PRKCA: variants seen among roughly 807,000 people sequenced by gnomAD.
PRKCA encodes protein kinase C alpha.
A neutral mutation model predicts 87.0 loss-of-function variants in PRKCA; 27 were observed. The observed-to-expected ratio is 0.31, with a 90% CI of 0.23 to 0.43. The LOEUF is 0.43. PRKCA is among the 20% of genes least tolerant of loss of function. The probability of loss-of-function intolerance (pLI) is 1.00; values close to 1 mark genes in which losing one functional copy is unlikely to be tolerated. For synonymous variants in PRKCA, 329 were observed against 311.1 expected (o/e 1.06, Z -0.61); for missense variants, 518 against 852.3 (o/e 0.61, Z 4.88).
chr17:66,450,684 A>T (rs1211805240), intron 2 of PRKCA, among the ~76,000 whole-genome samples: 1 of 152,146 alleles, frequency 6.6e-6, no homozygotes, highest in African/African-American at 2.4e-5. Context: ...CTTTGCAGGG[A>T]CAGTTTTGGG....
At chr17:66,659,599 C>T (rs765885929) in intron 5 of PRKCA, among the ~76,000 whole-genome samples, 23 of 152,066 alleles carry the variant, frequency 1.5e-4, no homozygotes, top group Non-Finnish European at 2.5e-4. Context: ...AAAAATTAGC[C>T]GGGCATGGTG....
chr17:66,561,438 A>T (rs1404751869), intron 3 of PRKCA, among the ~76,000 whole-genome samples: 1 of 152,180 alleles, frequency 6.6e-6, no homozygotes, highest in Non-Finnish European at 1.5e-5. Flanking sequence ...CATGCCACTG[A>T]GAATGTATGT....
chr17:66,617,273 C>T (rs1381925006), intron 3 of PRKCA, among the ~76,000 whole-genome samples: 1 of 152,110 alleles, frequency 6.6e-6, no homozygotes, highest in African/African-American at 2.4e-5. Flanking sequence ...CTGTTTTCCT[C>T]ATGTTTATAA....
intron 2 of PRKCA, among the ~76,000 whole-genome samples, chr17:66,464,802 A>G (rs1050065462): frequency 2.6e-5 from 4 of 152,128 alleles, no homozygotes; most frequent in Non-Finnish European, 2.9e-5. Flanking sequence ...ATTTTCTCCC[A>G]GCCTATAATA....
chr17:66,494,392 G>A (rs985369347), intron 2 of PRKCA, among the ~76,000 whole-genome samples: 1 of 152,334 alleles, frequency 6.6e-6, no homozygotes, highest in Non-Finnish European at 1.5e-5. Context: ...GCAAGGGCCT[G>A]TTTACTGCAT....
intron 2 of PRKCA, among the ~76,000 whole-genome samples, chr17:66,378,385 A>G (rs1164570667): frequency 6.6e-6 from 1 of 152,194 alleles, no homozygotes; most frequent in African/African-American, 2.4e-5. Context: ...ATATGGAGGT[A>G]TGATTCATGT....
intron 2 of PRKCA, among the ~76,000 whole-genome samples, chr17:66,470,212 T>C (rs952417923): frequency 3.6e-5 from 2 of 55,880 alleles, no homozygotes; most frequent in Non-Finnish European, 7.0e-5. Flanking sequence ...TTTTTTTTTT[T>C]AAAAGACAGA....
At chr17:66,593,985 T>C (rs1969892809) in intron 3 of PRKCA, among the ~76,000 whole-genome samples, 1 of 152,308 alleles carries the variant, frequency 6.6e-6, no homozygotes, top group African/African-American at 2.4e-5. Flanking sequence ...CTCGGGAGGC[T>C]GAGGTAGGAG....
At chr17:66,398,126 T>C (rs1453896988) in intron 2 of PRKCA, 3 of 152,220 alleles carry the variant, frequency 2.0e-5, no homozygotes, top group Non-Finnish European at 4.4e-5. Context: ...TTAGGTAATT[T>C]CCTTGAAATT....
intron 3 of PRKCA, among the ~76,000 whole-genome samples, chr17:66,627,757 C>T (rs1005904926): frequency 1.3e-5 from 2 of 152,280 alleles, no homozygotes; most frequent in Non-Finnish European, 1.5e-5. Context: ...TCCTGTTTTA[C>T]GGCTTCCTAC....
chr17:66,463,240 A>G (rs1914935577), intron 2 of PRKCA, among the ~76,000 whole-genome samples: 1 of 151,996 alleles, frequency 6.6e-6, no homozygotes, highest in Non-Finnish European at 1.5e-5. Flanking sequence ...TTTCTCTGAA[A>G]CCGTAAGAAA....
intron 11 of PRKCA, among the ~76,000 whole-genome samples, chr17:66,739,467 G>C (rs1974107941): frequency 6.6e-6 from 1 of 152,226 alleles, no homozygotes; most frequent in South Asian, 2.1e-4. Flanking sequence ...CACTGGGGTT[G>C]CGAAAGGAAC....
rs1021716272 is a variant in PRKCA at position 66,745,090 on chromosome 17, G to T, written c.1524+2330G>T. On this transcript the variant is annotated intron_variant, in intron 13 of 16. Transcript: ENST00000413366. Reference sequence around the variant, plus strand: ...GCAAAATCCTTTTTAATGCATAAAGGTAATAGATTCACAGGTTCCAGGGAT... The same window carrying T: ...GCAAAATCCTTTTTAATGCATAAAGTTAATAGATTCACAGGTTCCAGGGAT... Among the ~76,000 whole-genome samples, 8 of 152,206 alleles carry T rather than the reference G, an allele frequency of 5.3e-5. No individual in the cohort carries two copies. In the East Asian group the frequency reaches 7.7e-4, roughly 15 times the overall value.
intron 2 of PRKCA, among the ~76,000 whole-genome samples, chr17:66,306,584 G>A (rs536737105): frequency 6.6e-6 from 1 of 152,118 alleles, no homozygotes; most frequent in East Asian, 1.9e-4. Context: ...AGTTGTCATC[G>A]AGAACAAAGT....
At chr17:66,541,781 A>G (rs959920171) in intron 3 of PRKCA, among the ~76,000 whole-genome samples, 2 of 152,256 alleles carry the variant, frequency 1.3e-5, no homozygotes, top group Non-Finnish European at 2.9e-5. Context: ...GTTTCAGAAC[A>G]TGTGCCCTAT....
At chr17:66,378,157 T>A (rs1248766795) in intron 2 of PRKCA, among the ~76,000 whole-genome samples, 1 of 152,082 alleles carries the variant, frequency 6.6e-6, no homozygotes, top group African/African-American at 2.4e-5. Flanking sequence ...ACCCTGTCTC[T>A]ACTAAAAATA....
intron 8 of PRKCA, among the ~76,000 whole-genome samples, chr17:66,726,037 G>T (rs1413166030): frequency 6.6e-6 from 1 of 152,108 alleles, no homozygotes; most frequent in East Asian, 1.9e-4. Flanking sequence ...AGAACATTCT[G>T]GAACAGGCTT....
intron 16 of PRKCA, 94 bp downstream of exon 16, chr17:66,789,073 T>TG (rs11420909): frequency 1 from 1,495,192 of 1,495,200 alleles, 747,592 homozygotes; most frequent in Middle Eastern, 1. Context: ...AGGAGGCCGG[T>TG]GCCCCTGGCT....
intron 2 of PRKCA, among the ~76,000 whole-genome samples, chr17:66,427,849 A>C (rs760088256): frequency 3.9e-5 from 6 of 152,216 alleles, no homozygotes; most frequent in Non-Finnish European, 7.3e-5. Flanking sequence ...CAGATATTTC[A>C]CCTGAGAACC....
Sources: allele counts gnomAD v4.1 joint callset (sites outside exome capture counted in the v4.1 genomes callset), GRCh38; gene constraint gnomAD v4.1.1; transcripts MANE v1.5; gene names NCBI Gene and HGNC (gene_info 2026-07-23, HGNC 2026-07-21).